Variants in SHANK1 observed in about 807,000 individuals in gnomAD.
SHANK1 encodes the protein SH3 and multiple ankyrin repeat domains 1.
A neutral mutation model predicts 165.6 loss-of-function variants in SHANK1; 35 were observed. The ratio of observed to expected loss-of-function variants is 0.21; its 90% confidence interval spans 0.16 to 0.28. The LOEUF (loss-of-function observed/expected upper bound fraction) is 0.28, where lower values mean the gene tolerates loss of function less well. SHANK1 is among the 10% of genes least tolerant of loss of function. The pLI is 1.00. For missense variants in SHANK1, 2,681 were observed against 3,036.4 expected (o/e 0.88, Z 2.75); for synonymous variants, 1,428 against 1,384.8 (o/e 1.03, Z -0.69).
chr19:50,667,788 G>A lies in SHANK1; in HGVS notation c.4172C>T (p.Thr1391Ile). ...GGCGTGGGGCGAGTGGTGGTGCGGG[G>A]TGGGCGGCGGGGCCTCGTAGCGGGG... The part of the protein sequence containing the change: ...PSPRYEAPPP[T>I]PHHHSPHAHH... The change falls in exon 23 of 24, where the codon ACC becomes ATC. Residue 1391 changes from threonine to isoleucine, a missense_variant. Around this residue, in one of 10 missense-constraint regions of SHANK1, gnomAD observed 1,713 missense variants for 1,630.2 expected, o/e 1.05. Transcript: ENST00000293441. This position sits in a 1 kb window ranked among gnomAD's most constrained non-coding sequence, Gnocchi z 5.7. The A allele has an allele frequency of 7.7e-7, 1 of 1,294,404 alleles. No individual in the cohort carries two copies. The highest frequency in any genetic ancestry group is 9.7e-7 in the Non-Finnish European group (1 of 1,026,158). The allele number at this position is 1,294,404 out of a possible 1,614,324, so 80.2% of individuals were successfully genotyped here.
chr19:50,659,409 C>T lies in SHANK1; in HGVS notation c.*2556G>A, dbSNP rs73932546. ...ATAATCCCGCGTCCCTAATCTTCCT[C>T]CAGTCCCTGTACGTGGACGCCTGGG... On this transcript the variant is annotated 3_prime_UTR_variant, in exon 24 of 24. Transcript: ENST00000293441. 1.2e-3 allele frequency: 377 copies of T among 301,822 alleles called. 2 individuals carry two copies. The highest frequency in any genetic ancestry group is 7.8e-3 in the African/African-American group (362 of 46,198). 18.7% of individuals were successfully genotyped at this position (301,822 alleles called of 1,614,324 possible). A position where few individuals can be genotyped will look rare whatever the true frequency, so the allele number is the denominator to read the frequency against.
rs761477236 is a variant in SHANK1 at position 50,661,998 on chromosome 19, G to C, written c.6453C>G (p.Ile2151Met). 2 of 1,614,156 alleles carry C rather than the reference G, an allele frequency of 1.2e-6. No individual in the cohort carries two copies. The highest frequency in any genetic ancestry group is 1.7e-5 in the Admixed American group (1 of 60,020). The change falls in exon 24 of 24, where the codon ATC becomes ATG. Residue 2151 changes from isoleucine (I) to methionine (M), a missense_variant. By Grantham distance (10) the Ile-to-Met change is conservative. Around this residue, in one of 10 missense-constraint regions of SHANK1, gnomAD observed 49 missense variants for 94.2 expected, o/e 0.52. Transcript: ENST00000293441. ...GVTRVGHRMN[I>M]DRALKFFLER ...CCAGGAAGAATTTGAGAGCCCGGTC[G>C]ATGTTCATGCGGTGGCCCACCCTGG...
chr19:50,661,866 T>G lies in SHANK1; in HGVS notation c.*99A>C, dbSNP rs1422706321. On this transcript the variant is annotated 3_prime_UTR_variant, in exon 24 of 24. Coordinates refer to ENST00000293441, the MANE Select transcript of SHANK1 (RefSeq NM_016148.5). ...AGGGCAGGGCGCAGTTTGAACAGAGTCCCTGGCCCGGGGAGAGAATGACAG... is the reference window on the plus strand; with the variant it reads ...AGGGCAGGGCGCAGTTTGAACAGAGGCCCTGGCCCGGGGAGAGAATGACAG... The G allele has an allele frequency of 2.2e-6, 3 of 1,376,308 alleles. No individual in the cohort carries two copies. The highest frequency in any genetic ancestry group is 3.0e-6 in the Non-Finnish European group (3 of 986,086). 85.3% of individuals were successfully genotyped at this position (1,376,308 alleles called of 1,614,324 possible).
chr19:50,677,953 C>A (rs1986033207), intron 21 of SHANK1, among the ~76,000 whole-genome samples: 1 of 152,190 alleles, frequency 6.6e-6, no homozygotes, highest in Non-Finnish European at 1.5e-5. Flanking sequence ...TCTGTCCCGT[C>A]CTGCAGCTGT....
At chr19:50,674,429 C>T (rs1450827910) in intron 21 of SHANK1, among the ~76,000 whole-genome samples, 2 of 152,172 alleles carry the variant, frequency 1.3e-5, no homozygotes, top group Non-Finnish European at 2.9e-5. Context: ...TCCTGCACTT[C>T]CCACTATACC....
In SHANK1 at chr19:50,660,859, G is replaced by A. The variant is rs1028399287; in HGVS notation, c.*1106C>T. On this transcript the variant is annotated 3_prime_UTR_variant, in exon 24 of 24. Transcript: ENST00000293441. Reference sequence around the variant, plus strand: ...GCAAAGAAGAAGAGAATGAGCATGTGTGAGAGAAACAGTTTCTGGGAGGCA... The same window carrying A: ...GCAAAGAAGAAGAGAATGAGCATGTATGAGAGAAACAGTTTCTGGGAGGCA... Among the ~76,000 whole-genome samples, 9 of 150,478 alleles carry A rather than the reference G, an allele frequency of 6.0e-5. No homozygotes were observed. The East Asian group carries it at 1.8e-3, about 29-fold the overall frequency.
chr19:50,667,771 G>A lies in SHANK1; in HGVS notation c.4189C>T (p.Pro1397Ser). The A allele has an allele frequency of 7.7e-7, 1 of 1,306,912 alleles. No homozygotes were observed. 81.0% of individuals were successfully genotyped at this position (1,306,912 alleles called of 1,614,324 possible). The change falls in exon 23 of 24, where the codon CCC (proline) becomes TCC (serine). Residue 1397 changes from proline to serine, a missense_variant. Pro to Ser is a moderately conservative substitution (Grantham distance 74, BLOSUM62 -1). Transcript: ENST00000293441. This position sits in a 1 kb window ranked among gnomAD's most constrained non-coding sequence, Gnocchi z 5.7. ...APPPTPHHHS[P>S]HAHHEPVLRL... ...AGCACTGGCTCGTGGTGGGCGTGGGGCGAGTGGTGGTGCGGGGTGGGCGGC... is the reference window on the plus strand; with the variant it reads ...AGCACTGGCTCGTGGTGGGCGTGGGACGAGTGGTGGTGCGGGGTGGGCGGC...
chr19:50,706,743 G>A (rs1396759885), intron 8 of SHANK1, among the ~76,000 whole-genome samples: 1 of 151,240 alleles, frequency 6.6e-6, no homozygotes, highest in Non-Finnish European at 1.5e-5. Context: ...AAAAACCCTT[G>A]TCCTCTTCCT....
rs568181533 is a variant in SHANK1, at chr19:50,697,477, G to A, written c.1937+112C>T. On this transcript the variant is annotated intron_variant, in intron 14 of 23. Transcript: ENST00000293441. The surrounding 1 kb of genome is among the most constrained non-coding windows in gnomAD (Gnocchi z 4.7). ...CTTATCCCACCCCTGGATCAAACTT[G>A]AGAAGGAACAGATTAGAAAGGGGGC... 46 of 949,292 alleles carry A rather than the reference G, an allele frequency of 4.8e-5. 1 individual carries two copies. In the South Asian group the frequency reaches 5.2e-4, roughly 11 times the overall value. The allele number at this position is 949,292 out of a possible 1,614,324, so 58.8% of individuals were successfully genotyped here. A position where few individuals can be genotyped will look rare whatever the true frequency, so the allele number is the denominator to read the frequency against.
chr19:50,696,861 A>G (rs1333710485), intron 15 of SHANK1, among the ~76,000 whole-genome samples: 2 of 152,128 alleles, frequency 1.3e-5, no homozygotes, highest in African/African-American at 2.4e-5. Context: ...CACAGTCATC[A>G]TAGCCACAAA....
intron 15 of SHANK1, among the ~76,000 whole-genome samples, chr19:50,693,874 G>T (rs570995933): frequency 2.0e-5 from 3 of 152,304 alleles, no homozygotes; most frequent in African/African-American, 7.2e-5. Flanking sequence ...GGGGCAAGGG[G>T]GCAGGGGAGA....
Position 50,660,733 on chromosome 19 carries a change from G to GGGC in SHANK1, c.*1231_*1232insGCC, listed in dbSNP as rs1599833096. 7.6e-6 allele frequency among the ~76,000 whole-genome samples: 1 copy of GGGC among 131,720 alleles called. No homozygotes were observed. The highest frequency in any genetic ancestry group is 3.0e-5 in the African/African-American group (1 of 33,878). The allele number at this position is 131,720 out of a possible 152,430, so 86.4% of individuals were successfully genotyped here. On this transcript the variant is annotated 3_prime_UTR_variant, in exon 24 of 24. Coordinates refer to ENST00000293441, the MANE Select transcript of SHANK1 (RefSeq NM_016148.5). The stretch of plus-strand genomic sequence containing the variant: ...AGCACTGAAAATGCTGGGGGGGGGG[G>GGGC]CGCGTGTGCAAAAGCAAGTGTGCAA...
In SHANK1 at chr19:50,704,574, G is replaced by A. The variant is rs571615506; in HGVS notation, c.1078-60C>T. 52 of 1,435,806 alleles carry A rather than the reference G, an allele frequency of 3.6e-5. No homozygotes were observed. In the South Asian group the frequency reaches 5.4e-4, roughly 15 times the overall value. 88.9% of individuals were successfully genotyped at this position (1,435,806 alleles called of 1,614,324 possible). A position where few individuals can be genotyped will look rare whatever the true frequency, so the allele number is the denominator to read the frequency against. ...AGAGAGAAAAAATTAAGATCACCAT[G>A]AGTGGATGCAGGTTCTGTGCTAAGA... On this transcript the variant is annotated intron_variant, in intron 8 of 23. Coordinates refer to ENST00000293441, the MANE Select transcript of SHANK1 (RefSeq NM_016148.5).
At position 50,662,314 on chromosome 19, in the gene SHANK1, G is replaced by A. The variant is rs1258374193; in HGVS notation, c.6137C>T (p.Ser2046Leu). ...RGSPTGGAGG[S>L]ADPFAPVFVP... ...AAAGACTGGGGCGAAGGGGTCAGCCGAGCCTCCTGCCCCTCCAGTTGGGGA... is the reference window on the plus strand; with the variant it reads ...AAAGACTGGGGCGAAGGGGTCAGCCAAGCCTCCTGCCCCTCCAGTTGGGGA... The change falls in exon 24 of 24, where the codon TCG (serine) becomes TTG (leucine). Residue 2046 changes from serine to leucine, a missense_variant. Physicochemically the swap from Ser to Leu is moderately radical, Grantham distance 145. Coordinates refer to ENST00000293441, the MANE Select transcript of SHANK1 (RefSeq NM_016148.5). This position sits in a 1 kb window ranked among gnomAD's most constrained non-coding sequence, Gnocchi z 7.7. 12 of 1,608,848 alleles carry A rather than the reference G, an allele frequency of 7.5e-6. No homozygotes were observed. The highest frequency in any genetic ancestry group is 1.7e-5 in the Admixed American group (1 of 59,648).
intron 21 of SHANK1, among the ~76,000 whole-genome samples, chr19:50,674,864 C>T (rs1985924496): frequency 1.3e-5 from 2 of 152,028 alleles, no homozygotes; most frequent in Admixed American, 6.6e-5. Context: ...GAGTTCGAAA[C>T]CAGCCTGGCC....
chr19:50,695,779 A>G (rs996919969), intron 15 of SHANK1, among the ~76,000 whole-genome samples: 2 of 152,056 alleles, frequency 1.3e-5, no homozygotes, highest in African/African-American at 4.8e-5. Flanking sequence ...CTGGGCCCCA[A>G]GGCCATGAGC....
At position 50,718,805 on chromosome 19, in the gene SHANK1, G is replaced by T. The variant is rs1172949295; in HGVS notation, c.-44+601C>A. Among the ~76,000 whole-genome samples the T allele has an allele frequency of 1.3e-5, 2 of 150,506 alleles. No homozygotes were observed. Among genetic ancestry groups the T allele is most frequent in the African/African-American group, 4.9e-5 (2 of 40,888 alleles). ...AACTGGTGGGGGAGAACCCGGCCGG[G>T]GAGAGGGGCGGGGGGCACCGGGGAG... On this transcript the variant is annotated intron_variant, in intron 1 of 23. Coordinates refer to ENST00000293441, the MANE Select transcript of SHANK1 (RefSeq NM_016148.5). This position sits in a 1 kb window ranked among gnomAD's most constrained non-coding sequence, Gnocchi z 5.1.
chr19:50,677,567 A>G (rs2123107551), intron 21 of SHANK1, among the ~76,000 whole-genome samples: 1 of 152,322 alleles, frequency 6.6e-6, no homozygotes, highest in East Asian at 1.9e-4. Context: ...AAAGGAAGTT[A>G]CTTTGTTTGA....
rs1985175875 is a variant in SHANK1 at position 50,660,768 on chromosome 19, CA to C, written c.*1196del. Among the ~76,000 whole-genome samples the C allele has an allele frequency of 3.6e-5, 5 of 139,030 alleles. No homozygotes were observed. In the South Asian group the frequency reaches 1.2e-3, roughly 32 times the overall value. The allele number at this position is 139,030 out of a possible 152,430, so 91.2% of individuals were successfully genotyped here. ...AAAAGCAAGTGTGCAAGAGGGTTCA[CA>C]AAAGAATCAAAAATGCAGAAGGGCA... On this transcript the variant is annotated 3_prime_UTR_variant, in exon 24 of 24. Coordinates refer to ENST00000293441, the MANE Select transcript of SHANK1 (RefSeq NM_016148.5).
Sources: gnomAD v4.1 joint callset for allele counts (sites outside exome capture counted in the v4.1 genomes callset) on GRCh38, gnomAD v4.1.1 for gene constraint, gnomAD v4.1.1 regional missense constraint, Gnocchi (gnomAD v3.1) non-coding constraint, MANE v1.5 for transcripts, NCBI Gene and HGNC (gene_info 2026-07-23, HGNC 2026-07-21) for gene names.